Variants in ATP11A observed in about 807,000 individuals in gnomAD.
ATP11A encodes ATPase phospholipid transporting 11A, also known as phospholipid-transporting ATPase IH.
ATP11A carries 81 observed loss-of-function variants against 154.4 expected under a neutral mutation model. The observed-to-expected ratio is 0.52, with a 90% CI of 0.44 to 0.63. The LOEUF is 0.63. ATP11A is among the 30% of genes least tolerant of loss of function. The pLI is 0.00. For missense variants in ATP11A, 1,316 were observed against 1,474.3 expected, an observed-to-expected ratio of 0.89 and a Z score of 1.76; for synonymous variants, 623 against 585.9, an observed-to-expected ratio of 1.06 and a Z score of -0.91.
At chr13:112,743,942 G>A (rs550311314) in intron 1 of ATP11A, among the ~76,000 whole-genome samples, 1 of 152,180 alleles carries the variant, frequency 6.6e-6, no homozygotes, top group Non-Finnish European at 1.5e-5. Flanking sequence ...AAAGTATTTG[G>A]TTTTGATTGA....
At chr13:112,760,413 G>A (rs1445985499) in intron 1 of ATP11A, among the ~76,000 whole-genome samples, 1 of 152,196 alleles carries the variant, frequency 6.6e-6, no homozygotes, top group African/African-American at 2.4e-5. Flanking sequence ...GAGGACTATG[G>A]AAGAAGAGTT....
intron 1 of ATP11A, among the ~76,000 whole-genome samples, chr13:112,740,511 T>C (rs973830184): frequency 7.9e-5 from 12 of 152,270 alleles, no homozygotes; most frequent in African/African-American, 2.6e-4. Context: ...TTGGCAGAAA[T>C]AGCCACAAAG....
rs2080925940 is a variant in ATP11A at position 112,883,317 on chromosome 13, C to T, written c.*1451C>T. On this transcript the variant is annotated 3_prime_UTR_variant, in exon 30 of 30. Transcript: ENST00000375645. ...TTCTATTTCTAGAAATAATATTTGA[C>T]ATAGCCTTAATGGTCCTTAAAGAAG... 1 of 398,106 alleles carries T rather than the reference C, an allele frequency of 2.5e-6. No homozygotes were observed. Among genetic ancestry groups the T allele is most frequent in the East Asian group, 3.6e-5 (1 of 28,072 alleles). 24.7% of individuals were successfully genotyped at this position (398,106 alleles called of 1,614,324 possible).
intron 1 of ATP11A, among the ~76,000 whole-genome samples, chr13:112,738,076 A>G (rs1891174071): frequency 6.6e-6 from 1 of 152,160 alleles, no homozygotes; most frequent in African/African-American, 2.4e-5. Context: ...TCGGGTTGAA[A>G]TAGCTCCAAC....
At chr13:112,823,466 A>G (rs1351151019) in intron 9 of ATP11A, 57 bp downstream of exon 9, 1 of 1,449,258 alleles carries the variant, frequency 6.9e-7, no homozygotes, top group African/African-American at 1.4e-5. Context: ...GCATGAAGCA[A>G]AAGTTAAAAC....
intron 4 of ATP11A, among the ~76,000 whole-genome samples, chr13:112,809,682 C>T (rs2078433287): frequency 6.6e-6 from 1 of 152,168 alleles, no homozygotes; most frequent in African/African-American, 2.4e-5. Flanking sequence ...CGCCCATAGG[C>T]CCCTGGTGTG....
chr13:112,851,857 T>A (rs1325561293), intron 18 of ATP11A: 1 of 152,218 alleles, frequency 6.6e-6, no homozygotes, highest in Non-Finnish European at 1.5e-5. Context: ...AACAACTAAC[T>A]CTGTTCCTAA....
At chr13:112,880,857 A>G in intron 29 of ATP11A, 1 of 1,065,946 alleles carries the variant, frequency 9.4e-7, no homozygotes, top group Non-Finnish European at 1.1e-6. Flanking sequence ...CTGTGCACAC[A>G]CACGTGTGCA....
chr13:112,756,820 C>G (rs1026227290), intron 1 of ATP11A, among the ~76,000 whole-genome samples: 1 of 151,908 alleles, frequency 6.6e-6, no homozygotes, highest in Non-Finnish European at 1.5e-5. Context: ...AGCGAGGGGT[C>G]TGCTCCCAGC....
At chr13:112,855,074 A>G (rs2079882683) in intron 19 of ATP11A, among the ~76,000 whole-genome samples, 1 of 152,234 alleles carries the variant, frequency 6.6e-6, no homozygotes, top group African/African-American at 2.4e-5. Flanking sequence ...AGTTTCATTC[A>G]TGTACATAAA....
At chr13:112,856,188 G>A in intron 20 of ATP11A, 103 bp downstream of exon 20, 1 of 1,165,586 alleles carries the variant, frequency 8.6e-7, no homozygotes, top group Non-Finnish European at 1.2e-6. Flanking sequence ...ATCTAGCAGG[G>A]TACCACCTGT....
At position 112,738,354 on chromosome 13, in the gene ATP11A, CAA is replaced by C. The variant is rs546772851; in HGVS notation, c.40-46780_40-46779del. On this transcript the variant is annotated intron_variant, in intron 1 of 29. Transcript: ENST00000375645. ...CGCCACGGCACTCCAACCTGGACGA[CAA>C]GAGTGAAACACCGTCTCAAAAAGAA... Among the ~76,000 whole-genome samples the C allele has an allele frequency of 4.4e-3, 668 of 150,694 alleles. 7 individuals are homozygous for C. Among genetic ancestry groups the C allele is most frequent in the African/African-American group, 0.016 (629 of 40,266 alleles).
At chr13:112,863,812 A>G (rs2080216212) in intron 25 of ATP11A, among the ~76,000 whole-genome samples, 1 of 84,606 alleles carries the variant, frequency 1.2e-5, no homozygotes, top group African/African-American at 4.4e-5. Flanking sequence ...CAGGCCATGC[A>G]GCTTCTCAGC....
chr13:112,703,733 CT>C (rs375091975), intron 1 of ATP11A, among the ~76,000 whole-genome samples: 27 of 148,484 alleles, frequency 1.8e-4, no homozygotes, highest in Non-Finnish European at 3.1e-4. Context: ...CTTCTTTTTG[CT>C]TTTTTTTTTC....
chr13:112,777,345 C>A (rs2077373367), intron 1 of ATP11A, among the ~76,000 whole-genome samples: 2 of 152,216 alleles, frequency 1.3e-5, no homozygotes, highest in African/African-American at 2.4e-5. Context: ...GGGCAAATCA[C>A]CTGAGGTCAG....
At chr13:112,812,954 A>C (rs1301085141) in intron 5 of ATP11A, among the ~76,000 whole-genome samples, 1 of 152,208 alleles carries the variant, frequency 6.6e-6, no homozygotes, top group Non-Finnish European at 1.5e-5. Context: ...GTAGCTAAAC[A>C]TCTTTCTTAA....
chr13:112,777,549 A>C (rs1335159346), intron 1 of ATP11A, among the ~76,000 whole-genome samples: 1 of 152,238 alleles, frequency 6.6e-6, no homozygotes, highest in Non-Finnish European at 1.5e-5. Flanking sequence ...GGGGGACAAG[A>C]GCAAGACTTC....
At chr13:112,723,393 T>A in intron 1 of ATP11A, among the ~76,000 whole-genome samples, 1 of 80,862 alleles carries the variant, frequency 1.2e-5, no homozygotes, top group Non-Finnish European at 2.6e-5. Flanking sequence ...TGCTTCAGCC[T>A]CTTGAGTAGC....
Position 112,825,414 on chromosome 13 carries a change from T to A in ATP11A, c.873-16T>A. ...TTCCTCAGGGACCAGTGATCACCTCTGTCCTTTTGTTTTAGATCGATGAAT... is the reference window on the plus strand; with the variant it reads ...TTCCTCAGGGACCAGTGATCACCTCAGTCCTTTTGTTTTAGATCGATGAAT... On this transcript the variant is annotated splice_polypyrimidine_tract_variant and intron_variant, in intron 10 of 29. Coordinates refer to ENST00000375645, the MANE Select transcript of ATP11A (RefSeq NM_015205.3). 1 of 1,602,058 alleles carries A rather than the reference T, an allele frequency of 6.2e-7. No homozygotes were observed. Among genetic ancestry groups the A allele is most frequent in the Non-Finnish European group, 8.5e-7 (1 of 1,173,584 alleles).
Sources: gnomAD v4.1 joint callset for allele counts (sites outside exome capture counted in the v4.1 genomes callset) on GRCh38, gnomAD v4.1.1 for gene constraint, MANE v1.5 for transcripts, NCBI Gene and HGNC (gene_info 2026-07-23, HGNC 2026-07-21) for gene names.